Variants in IQCM observed in about 807,000 individuals in gnomAD.
The protein encoded by IQCM is IQ motif containing M.
IQCM carries 45 observed loss-of-function variants against 57.6 expected under a neutral mutation model. The ratio of observed to expected loss-of-function variants is 0.78; its 90% CI spans 0.62 to 1.00. The LOEUF is 1.00. IQCM is among the 50% of genes least tolerant of loss of function. The pLI, the probability that IQCM is intolerant of heterozygous loss-of-function variation, is 0.00. For missense variants in IQCM, 468 were observed against 511.6 expected (o/e 0.91, Z 0.82); for synonymous variants, 148 against 158.9 (o/e 0.93, Z 0.51).
intron 5 of IQCM, among the ~76,000 whole-genome samples, chr4:149,688,606 C>A (rs1022262090): frequency 2.2e-4 from 34 of 151,774 alleles, no homozygotes; most frequent in African/African-American, 8.0e-4. Flanking sequence ...AAAAACAATT[C>A]TAAAATTTAT....
intron 12 of IQCM, among the ~76,000 whole-genome samples, chr4:149,455,742 G>A (rs1354296147): frequency 6.6e-6 from 1 of 151,980 alleles, no homozygotes; most frequent in Non-Finnish European, 1.5e-5. Context: ...GAAGTGGGAG[G>A]AACACTTGAG....
At chr4:149,477,737 T>C (rs532111205) in intron 12 of IQCM, among the ~76,000 whole-genome samples, 1 of 152,264 alleles carries the variant, frequency 6.6e-6, no homozygotes, top group African/African-American at 2.4e-5. Context: ...GGCCCGTGTG[T>C]TGGAGAAATC....
At chr4:149,767,937 C>A (rs1326279803) in intron 2 of IQCM, among the ~76,000 whole-genome samples, 1 of 151,888 alleles carries the variant, frequency 6.6e-6, no homozygotes, top group Non-Finnish European at 1.5e-5. Flanking sequence ...CTAAGAATAT[C>A]TGTTTTATGG....
chr4:149,401,569 T>C (rs1732623019), intron 13 of IQCM, among the ~76,000 whole-genome samples: 1 of 151,778 alleles, frequency 6.6e-6, no homozygotes, highest in Admixed American at 6.6e-5. Context: ...TGTGTCACTA[T>C]ATAGACTAGC....
chr4:149,367,544 T>G (rs572050550), intron 13 of IQCM, among the ~76,000 whole-genome samples: 16 of 152,138 alleles, frequency 1.1e-4, no homozygotes, highest in African/African-American at 3.6e-4. Context: ...ATTATATGAA[T>G]GGGCCATAAT....
At chr4:149,455,855 G>A (rs2149702099) in intron 12 of IQCM, among the ~76,000 whole-genome samples, 1 of 151,350 alleles carries the variant, frequency 6.6e-6, no homozygotes, top group Admixed American at 6.6e-5. Context: ...TGCACTTGCT[G>A]TCCTAGCTAC....
At chr4:149,716,117 G>T (rs899514475) in intron 5 of IQCM, among the ~76,000 whole-genome samples, 2 of 152,194 alleles carry the variant, frequency 1.3e-5, no homozygotes, top group African/African-American at 4.8e-5. Context: ...GAGCCTGTCT[G>T]CCTCCTGCTG....
intron 13 of IQCM, among the ~76,000 whole-genome samples, chr4:149,430,750 A>G (rs181981284): frequency 1.6e-3 from 248 of 152,078 alleles, no homozygotes; most frequent in Admixed American, 3.1e-3. Flanking sequence ...TTCATCTGTA[A>G]GTAGTTATTT....
At chr4:149,474,419 A>G (rs1303563963) in intron 12 of IQCM, among the ~76,000 whole-genome samples, 1 of 151,874 alleles carries the variant, frequency 6.6e-6, no homozygotes, top group Non-Finnish European at 1.5e-5. Context: ...TTAAAAAAAT[A>G]AAAATTAGGC....
rs555796445 is a variant in IQCM, at chr4:149,511,654, T to A, written c.1228+36801A>T. ...ATCTCTGTGCTCCCATGGCATGTTG[T>A]CCTCCCCTGTCATAGACCTTATTAT... On this transcript the variant is annotated intron_variant, in intron 12 of 13. Transcript: ENST00000636793. Among the ~76,000 whole-genome samples, 20 of 152,300 alleles carry A rather than the reference T, an allele frequency of 1.3e-4. No homozygotes were observed. In the East Asian group the frequency reaches 3.9e-3, roughly 29 times the overall value.
At chr4:149,435,061 C>A (rs1235878161) in intron 12 of IQCM, among the ~76,000 whole-genome samples, 1 of 152,132 alleles carries the variant, frequency 6.6e-6, no homozygotes, top group Admixed American at 6.6e-5. Context: ...GTTCTTTCCT[C>A]AGGTGCTCTG....
intron 13 of IQCM, among the ~76,000 whole-genome samples, chr4:149,407,168 C>T (rs115105445): frequency 0.025 from 3,864 of 152,148 alleles, 135 homozygotes; most frequent in African/African-American, 0.085. Context: ...AATTATCCCC[C>T]CCCAGGTCCC....
At chr4:149,354,598 A>C (rs942026917) in intron 13 of IQCM, among the ~76,000 whole-genome samples, 4 of 152,074 alleles carry the variant, frequency 2.6e-5, no homozygotes, top group African/African-American at 4.8e-5. Flanking sequence ...TACCAAGCAT[A>C]TATTTCATCA....
chr4:149,513,625 C>G (rs1437954697), intron 12 of IQCM, among the ~76,000 whole-genome samples: 1 of 152,058 alleles, frequency 6.6e-6, no homozygotes, highest in Non-Finnish European at 1.5e-5. Context: ...AGTTAGGTTT[C>G]ATGTTTCTGC....
chr4:149,641,280 A>G (rs1211099581), intron 7 of IQCM, among the ~76,000 whole-genome samples: 1 of 152,174 alleles, frequency 6.6e-6, no homozygotes, highest in Non-Finnish European at 1.5e-5. Flanking sequence ...ACATCTATTT[A>G]TTAATTCTGA....
chr4:149,560,469 A>G (rs1039695520), intron 10 of IQCM, among the ~76,000 whole-genome samples: 1 of 152,170 alleles, frequency 6.6e-6, no homozygotes, highest in African/African-American at 2.4e-5. Flanking sequence ...TTAGAGAAAA[A>G]TATTGAAATT....
intron 2 of IQCM, among the ~76,000 whole-genome samples, chr4:149,758,851 G>A (rs1769233219): frequency 6.6e-6 from 1 of 152,158 alleles, no homozygotes; most frequent in Admixed American, 6.5e-5. Context: ...CATTGCTGGT[G>A]GGAATGCGAA....
chr4:149,512,761 A>T (rs1744557935), intron 12 of IQCM, among the ~76,000 whole-genome samples: 2 of 152,210 alleles, frequency 1.3e-5, no homozygotes. Flanking sequence ...CAAAAAAAAT[A>T]AAGTCACTAT....
intron 12 of IQCM, among the ~76,000 whole-genome samples, chr4:149,443,794 C>T (rs923303177): frequency 6.6e-6 from 1 of 151,612 alleles, no homozygotes; most frequent in Non-Finnish European, 1.5e-5. Flanking sequence ...CATCAGACTA[C>T]AAGGTCAAAG....
Sources: gnomAD v4.1 joint callset for allele counts (sites outside exome capture counted in the v4.1 genomes callset) on GRCh38, gnomAD v4.1.1 for gene constraint, MANE v1.5 for transcripts, NCBI Gene and HGNC (gene_info 2026-07-23, HGNC 2026-07-21) for gene names.